The following PLXDC2 variants were observed in gnomAD, a reference collection of about 807,000 sequenced individuals.
The protein encoded by PLXDC2 is plexin domain-containing protein 2.
PLXDC2 carries 40 observed loss-of-function variants against 68.9 expected under a neutral mutation model. The ratio of observed to expected loss-of-function variants is 0.58; its 90% CI spans 0.45 to 0.76. The LOEUF is 0.76. Among genes scored for constraint, PLXDC2 ranks in the 30% least tolerant of loss-of-function variants. The pLI, the probability that PLXDC2 is intolerant of heterozygous loss-of-function variation, is 0.00. For missense variants in PLXDC2, 644 were observed against 661.9 expected, an observed-to-expected ratio of 0.97 and a Z score of 0.30; for synonymous variants, 243 against 234.2, an observed-to-expected ratio of 1.04 and a Z score of -0.34.
chr10:19,820,679 C>T (rs377481490), intron 1 of PLXDC2, among the ~76,000 whole-genome samples: 2 of 151,508 alleles, frequency 1.3e-5, no homozygotes, highest in South Asian at 4.2e-4. Flanking sequence ...GTGTCCTTAT[C>T]AATTAGTTTT....
intron 1 of PLXDC2, among the ~76,000 whole-genome samples, chr10:19,875,816 A>T (rs1837619483): frequency 6.6e-6 from 1 of 152,254 alleles, no homozygotes; most frequent in African/African-American, 2.4e-5. Flanking sequence ...TTTGAGAATC[A>T]GAGAGATGAG....
chr10:20,173,549 A>G (rs1340715519), intron 7 of PLXDC2, among the ~76,000 whole-genome samples: 1 of 152,182 alleles, frequency 6.6e-6, no homozygotes, highest in Non-Finnish European at 1.5e-5. Flanking sequence ...TAAAACATGC[A>G]GTATTTGCAC....
chr10:19,859,405 T>C (rs898242047), intron 1 of PLXDC2, among the ~76,000 whole-genome samples: 2 of 152,210 alleles, frequency 1.3e-5, no homozygotes, highest in African/African-American at 2.4e-5. Flanking sequence ...TTTTTCTTGT[T>C]TCCAACACTC....
chr10:19,818,554 C>T (rs909976682), intron 1 of PLXDC2, among the ~76,000 whole-genome samples: 2 of 151,994 alleles, frequency 1.3e-5, no homozygotes, highest in Non-Finnish European at 2.9e-5. Context: ...TGCAGGGAGG[C>T]AATAGGATGA....
intron 4 of PLXDC2, among the ~76,000 whole-genome samples, chr10:20,120,025 G>C (rs547673930): frequency 0.018 from 2,798 of 152,236 alleles, 37 homozygotes; most frequent in Non-Finnish European, 0.028. Flanking sequence ...GTTAAGAGTG[G>C]CAGTTTGGGG....
chr10:19,823,197 A>G (rs1836505520), intron 1 of PLXDC2, among the ~76,000 whole-genome samples: 1 of 152,016 alleles, frequency 6.6e-6, no homozygotes. Context: ...ATGTTTACTT[A>G]TGCTTTTAAT....
chr10:20,177,580 C>T lies in PLXDC2; in HGVS notation c.1061+171C>T, dbSNP rs548825737. 7.2e-5 allele frequency among the ~76,000 whole-genome samples: 11 copies of T among 152,108 alleles called. No individual in the cohort carries two copies. The South Asian group carries it at 1.2e-3, about 17-fold the overall frequency. On this transcript the variant is annotated intron_variant, in intron 9 of 13. Coordinates refer to ENST00000377252, the MANE Select transcript of PLXDC2 (RefSeq NM_032812.9). The stretch of plus-strand genomic sequence containing the variant: ...AGGAGTTCAAGATCAGCCTGGGCAA[C>T]ATAGCAAGAACCTGTTTCTACCAAA...
chr10:20,113,849 G>A (rs975208943), intron 4 of PLXDC2, among the ~76,000 whole-genome samples: 1 of 152,118 alleles, frequency 6.6e-6, no homozygotes, highest in Non-Finnish European at 1.5e-5. Context: ...AATGTGGCTG[G>A]GTGTGGTGTC....
intron 1 of PLXDC2, among the ~76,000 whole-genome samples, chr10:19,930,874 G>A (rs888016986): frequency 6.6e-6 from 1 of 152,012 alleles, no homozygotes; most frequent in Non-Finnish European, 1.5e-5. Context: ...GGAGACATGA[G>A]AATCACTTGA....
intron 2 of PLXDC2, among the ~76,000 whole-genome samples, chr10:20,044,235 T>TTCTTTCTTTCTTTCTTTCTTTCTTTC (rs1835750021): frequency 8.9e-5 from 8 of 89,550 alleles, no homozygotes; most frequent in Non-Finnish European, 1.5e-4. Flanking sequence ...CTTTCTTTCT[T>TTCTTTCTTTCTTTCTTTCTTTCTTTC]TCTTTCTTTC....
At chr10:19,970,922 T>C (rs1834341363) in intron 1 of PLXDC2, among the ~76,000 whole-genome samples, 1 of 152,166 alleles carries the variant, frequency 6.6e-6, no homozygotes, top group African/African-American at 2.4e-5. Flanking sequence ...GGAGTCTCTC[T>C]CTGAGCTTCG....
At chr10:19,932,835 G>A (rs1478695181) in intron 1 of PLXDC2, among the ~76,000 whole-genome samples, 1 of 152,142 alleles carries the variant, frequency 6.6e-6, no homozygotes, top group Non-Finnish European at 1.5e-5. Context: ...GCTCCATTTA[G>A]GTAGTATGTC....
intron 4 of PLXDC2, among the ~76,000 whole-genome samples, chr10:20,114,867 T>C (rs1428445320): frequency 2.0e-5 from 3 of 152,152 alleles, no homozygotes; most frequent in Non-Finnish European, 2.9e-5. Flanking sequence ...GGCAAGCTGC[T>C]GTGTTTGAAA....
At position 19,946,617 on chromosome 10, in the gene PLXDC2, G is replaced by A. The variant is rs1833905473; in HGVS notation, c.113-55158G>A. Among the ~76,000 whole-genome samples, 3 of 151,796 alleles carry A rather than the reference G, an allele frequency of 2.0e-5. No individual in the cohort carries two copies. In the South Asian group the frequency reaches 6.3e-4, roughly 32 times the overall value. On this transcript the variant is annotated intron_variant, in intron 1 of 13. Coordinates refer to ENST00000377252, the MANE Select transcript of PLXDC2 (RefSeq NM_032812.9). ...CTTTATGGCACCAGAGACCGATTTT[G>A]TGAAAGACAGTTTTTCCGTGGACGG... is the stretch of plus-strand genomic sequence containing the variant.
intron 1 of PLXDC2, among the ~76,000 whole-genome samples, chr10:19,885,802 T>C (rs576523111): frequency 2.0e-5 from 3 of 152,346 alleles, no homozygotes; most frequent in African/African-American, 7.2e-5. Flanking sequence ...CCTCCAGCTT[T>C]GTTCTTTTGG....
chr10:19,970,307 C>T (rs1025728156), intron 1 of PLXDC2, among the ~76,000 whole-genome samples: 5 of 152,190 alleles, frequency 3.3e-5, no homozygotes, highest in African/African-American at 1.2e-4. Context: ...GCATCAACTG[C>T]CTCATCATCA....
At chr10:20,157,570 T>C (rs1385454275) in intron 6 of PLXDC2, among the ~76,000 whole-genome samples, 1 of 152,198 alleles carries the variant, frequency 6.6e-6, no homozygotes. Context: ...AAGGAATTGT[T>C]TGGGGTTCCT....
intron 4 of PLXDC2, among the ~76,000 whole-genome samples, chr10:20,142,603 A>G (rs2461921): frequency 0.91 from 139,055 of 152,086 alleles, 63,682 homozygotes; most frequent in Non-Finnish European, 0.94. Flanking sequence ...ATTCCCTCTC[A>G]TTATCCAACT....
intron 1 of PLXDC2, among the ~76,000 whole-genome samples, chr10:19,979,506 T>C (rs908533900): frequency 2.0e-4 from 30 of 151,348 alleles, no homozygotes; most frequent in African/African-American, 7.0e-4. Context: ...ACCCTCTCAA[T>C]TGATTGCAGG....
Sources: gnomAD v4.1 joint callset for allele counts (sites outside exome capture counted in the v4.1 genomes callset) on GRCh38, gnomAD v4.1.1 for gene constraint, MANE v1.5 for transcripts, NCBI Gene and HGNC (gene_info 2026-07-23, HGNC 2026-07-21) for gene names.